NCOA1: variants seen among roughly 807,000 people sequenced by gnomAD.
NCOA1 encodes nuclear receptor coactivator 1.
Under a neutral mutation model 150.9 loss-of-function variants are expected in NCOA1, and 35 were observed. That is an observed-to-expected ratio of 0.23 (90% CI 0.18 to 0.31). The LOEUF is 0.31. Among genes scored for constraint, NCOA1 ranks in the 10% least tolerant of loss-of-function variants. NCOA1 has a pLI of 1.00. For synonymous variants in NCOA1, 590 were observed against 630.0 expected (o/e 0.94, Z 0.95); for missense variants, 1,491 against 1,749.3 (o/e 0.85, Z 2.63).
chr2:24,491,884 C>T (rs1662980053), intron 1 of NCOA1: 1 of 151,732 alleles, frequency 6.6e-6, no homozygotes, highest in African/African-American at 2.4e-5. Context: ...TCCAGTTGCC[C>T]TAGTTAGCGC....
Position 24,556,484 on chromosome 2 carries a change from T to C in NCOA1, c.-395-7811T>C, listed in dbSNP as rs891564324. On this transcript the variant is annotated intron_variant, in intron 1 of 22. Coordinates refer to ENST00000348332, the MANE Select transcript of NCOA1 (RefSeq NM_003743.5). ...TGCATGTTTATGGTAGAATGATTTA[T>C]ATTCCTTTGGGTATATCCCAAGTAA... 2.0e-5 allele frequency among the ~76,000 whole-genome samples: 3 copies of C among 152,370 alleles called. No homozygotes were observed. In the East Asian group the frequency reaches 5.8e-4, roughly 29 times the overall value.
At chr2:24,589,814 C>G (rs1667577844) in intron 3 of NCOA1, among the ~76,000 whole-genome samples, 1 of 152,158 alleles carries the variant, frequency 6.6e-6, no homozygotes, top group African/African-American at 2.4e-5. Context: ...TTTCTTCTGC[C>G]CCATCTGCCT....
At chr2:24,512,485 G>A (rs1335785169) in intron 1 of NCOA1, among the ~76,000 whole-genome samples, 1 of 152,246 alleles carries the variant, frequency 6.6e-6, no homozygotes, top group East Asian at 1.9e-4. Flanking sequence ...GTTTTTAAAA[G>A]CTCTAATGGC....
At chr2:24,536,034 C>G (rs1378120904) in intron 1 of NCOA1, among the ~76,000 whole-genome samples, 2 of 152,152 alleles carry the variant, frequency 1.3e-5, no homozygotes, top group African/African-American at 4.8e-5. Flanking sequence ...GGATAATATT[C>G]TAAAGAGCAT....
In NCOA1 at chr2:24,706,826, T is replaced by C; in HGVS notation, c.1356T>C (p.Asn452=). The C allele has an allele frequency of 6.2e-7, 1 of 1,614,180 alleles. No individual in the cohort carries two copies. The highest frequency in any genetic ancestry group is 8.5e-7 in the Non-Finnish European group (1 of 1,180,032). Residue 452 remains asparagine, a synonymous_variant, in exon 13 of 23, where the codon AAT becomes AAC. Transcript: ENST00000348332. ...CACCCGGAAGTCAGATTGTAGCCAA[T>C]GTTGCCTTAAACCAAGGACAGGCCA... is the stretch of plus-strand genomic sequence containing the variant. ...GCSPGSQIVA[N]VALNQGQASS...
rs1293433117 is a variant in NCOA1, at chr2:24,758,112, A to T, written c.4021A>T (p.Ser1341Cys). Residue 1341 changes from serine (S) to cysteine (C), a missense_variant, in exon 21 of 23, where the codon AGC becomes TGC. By Grantham distance (112) the Ser-to-Cys change is moderately radical. This residue lies in a region of NCOA1 where 485 missense variants were observed against 522.8 expected (regional missense o/e 0.93). Coordinates refer to ENST00000348332, the MANE Select transcript of NCOA1 (RefSeq NM_003743.5). ...MNPMMAQMQM[S>C]SLQMPGMNTV... is the part of the protein sequence containing the mutation. ...CCCAATGATGGCCCAGATGCAGATG[A>T]GCTCTTTGCAGATGCCAGGAATGAA... The T allele has an allele frequency of 6.2e-7, 1 of 1,614,112 alleles. No individual in the cohort carries two copies. Among genetic ancestry groups the T allele is most frequent in the Non-Finnish European group, 8.5e-7 (1 of 1,180,010 alleles).
intron 10 of NCOA1, 123 bp downstream of exon 10, chr2:24,693,470 A>C: frequency 1.3e-6 from 1 of 777,036 alleles, no homozygotes; most frequent in East Asian, 2.6e-5. Context: ...CTAGTCTTAT[A>C]CAGAAAACAT....
chr2:24,688,024 C>T (rs55826900), intron 8 of NCOA1, among the ~76,000 whole-genome samples: 6,942 of 152,222 alleles, frequency 0.046, 251 homozygotes, highest in East Asian at 0.19. Context: ...TCTGTTCCTG[C>T]GTTAGTTTGC....
chr2:24,598,937 A>G (rs1479309224), intron 3 of NCOA1, among the ~76,000 whole-genome samples: 2 of 152,202 alleles, frequency 1.3e-5, no homozygotes, highest in Non-Finnish European at 2.9e-5. Context: ...TTTTACATGT[A>G]TGATGGACTA....
rs1020653441 is a variant in NCOA1, at chr2:24,739,474, G to A, written c.3244G>A (p.Ala1082Thr). Residue 1082 changes from alanine to threonine, a missense_variant, in exon 18 of 23, where the codon GCA becomes ACA. Transcript: ENST00000348332. Reference sequence around the variant, plus strand: ...GCAAGCTATCTTAAACCAGTTTGCAGCAACTGCTCCTGTTGGCATCAATAT... The same window carrying A: ...GCAAGCTATCTTAAACCAGTTTGCAACAACTGCTCCTGTTGGCATCAATAT... Reference protein sequence around the residue: ...NRQAILNQFAATAPVGINMRS... With the variant: ...NRQAILNQFATTAPVGINMRS... 5.6e-6 allele frequency: 9 copies of A among 1,613,754 alleles called. No homozygotes were observed. Among genetic ancestry groups the A allele is most frequent in the Non-Finnish European group, 6.8e-6 (8 of 1,179,850 alleles).
At chr2:24,762,922 G>A (rs1664858208) in intron 22 of NCOA1, 146 bp downstream of exon 22, 1 of 686,222 alleles carries the variant, frequency 1.5e-6, no homozygotes, top group Non-Finnish European at 2.5e-6. Flanking sequence ...GTCGTCCTGG[G>A]CATGTTATGG....
At chr2:24,620,602 TG>T (rs1669098331) in intron 3 of NCOA1, among the ~76,000 whole-genome samples, 1 of 152,138 alleles carries the variant, frequency 6.6e-6, no homozygotes, top group Admixed American at 6.5e-5. Context: ...AGAGCGAAAC[TG>T]GTCTCAAAAA....
intron 13 of NCOA1, among the ~76,000 whole-genome samples, chr2:24,709,790 C>T (rs954489581): frequency 5.3e-5 from 8 of 152,190 alleles, no homozygotes; most frequent in African/African-American, 1.7e-4. Flanking sequence ...AAATCCATCA[C>T]AATAGAATGG....
At chr2:24,747,518 C>T (rs1053642282) in intron 19 of NCOA1, among the ~76,000 whole-genome samples, 18 of 151,410 alleles carry the variant, frequency 1.2e-4, no homozygotes, top group Non-Finnish European at 1.6e-4. Flanking sequence ...TTTATAGAAA[C>T]GGGTCTCACT....
At chr2:24,622,317 T>C (rs557999712) in intron 3 of NCOA1, among the ~76,000 whole-genome samples, 10 of 152,296 alleles carry the variant, frequency 6.6e-5, no homozygotes, top group South Asian at 2.1e-4. Context: ...ACTGTACTTA[T>C]GCATTGTAAG....
chr2:24,766,557 A>G (rs116838885), intron 22 of NCOA1, among the ~76,000 whole-genome samples: 69 of 152,296 alleles, frequency 4.5e-4, no homozygotes, highest in African/African-American at 1.7e-3. Flanking sequence ...GAAAAAGATG[A>G]GGAGAAGAGG....
intron 3 of NCOA1, among the ~76,000 whole-genome samples, chr2:24,599,603 C>G (rs1157155122): frequency 6.6e-6 from 1 of 152,014 alleles, no homozygotes; most frequent in Non-Finnish European, 1.5e-5. Flanking sequence ...GCAGGAAGCC[C>G]CATAAGTTGG....
chr2:24,587,115 A>G (rs1667446387), intron 3 of NCOA1, among the ~76,000 whole-genome samples: 1 of 151,534 alleles, frequency 6.6e-6, no homozygotes, highest in Non-Finnish European at 1.5e-5. Context: ...AAAAAAAAAA[A>G]GAAACTGGGA....
At chr2:24,715,878 C>T (rs1218013332) in intron 14 of NCOA1, among the ~76,000 whole-genome samples, 2 of 152,158 alleles carry the variant, frequency 1.3e-5, no homozygotes, top group Admixed American at 6.5e-5. Flanking sequence ...CGCAGTGGCT[C>T]ACGCCTGTAA....
Sources: allele counts gnomAD v4.1 joint callset (sites outside exome capture counted in the v4.1 genomes callset), GRCh38; gene constraint gnomAD v4.1.1; regional missense constraint gnomAD v4.1.1; transcripts MANE v1.5; gene names NCBI Gene and HGNC (gene_info 2026-07-23, HGNC 2026-07-21).